The following SYNPR variants were observed in gnomAD, a reference collection of about 807,000 sequenced individuals.
The protein encoded by SYNPR is synaptoporin.
A neutral mutation model predicts 32.9 loss-of-function variants in SYNPR; 23 were observed. The ratio of observed to expected loss-of-function variants is 0.70; its 90% CI spans 0.50 to 0.99. The LOEUF is 0.99. SYNPR is among the 50% of genes least tolerant of loss of function. SYNPR has a pLI of 0.00. For synonymous variants in SYNPR, 146 were observed against 135.9 expected, an observed-to-expected ratio of 1.07 and a Z score of -0.52; for missense variants, 318 against 349.3, an observed-to-expected ratio of 0.91 and a Z score of 0.71.
At chr3:63,399,327 C>T (rs2088258854) in intron 2 of SYNPR, among the ~76,000 whole-genome samples, 2 of 152,180 alleles carry the variant, frequency 1.3e-5, no homozygotes, top group African/African-American at 4.8e-5. Flanking sequence ...TGGCATATAC[C>T]TGGTACTGTG....
intron 2 of SYNPR, among the ~76,000 whole-genome samples, chr3:63,454,810 G>A (rs1269725280): frequency 2.0e-5 from 3 of 152,030 alleles, no homozygotes; most frequent in Non-Finnish European, 2.9e-5. Context: ...GAATGGTTGA[G>A]GTTATTGTAG....
intron 2 of SYNPR, among the ~76,000 whole-genome samples, chr3:63,320,236 C>A (rs2087096895): frequency 6.6e-6 from 1 of 151,982 alleles, no homozygotes; most frequent in Non-Finnish European, 1.5e-5. Flanking sequence ...TAGGTATGAG[C>A]CACCATGCCT....
intron 5 of SYNPR, among the ~76,000 whole-genome samples, chr3:63,611,741 A>G (rs1700201119): frequency 6.6e-6 from 1 of 152,074 alleles, no homozygotes; most frequent in African/African-American, 2.4e-5. Context: ...CTAAGTTTAT[A>G]TGTATTTTTT....
intron 4 of SYNPR, among the ~76,000 whole-genome samples, chr3:63,608,530 C>T (rs1354768363): frequency 6.6e-6 from 1 of 152,168 alleles, no homozygotes; most frequent in Non-Finnish European, 1.5e-5. Context: ...CATAGTTCCA[C>T]ATTGGTTAAC....
chr3:63,540,930 A>AACACAC lies in SYNPR; in HGVS notation c.210-15587_210-15582dup, dbSNP rs58295090. ...CACACACACACACAATCCCCCCCCCAACACACACACACACACACACACACA... is the reference window on the plus strand; with the variant it reads ...CACACACACACACAATCCCCCCCCCAACACACACACACACACACACACACACACACA... On this transcript the variant is annotated intron_variant, in intron 3 of 5. Transcript: ENST00000478300. Among the ~76,000 whole-genome samples, 696 of 122,844 alleles carry AACACAC rather than the reference A, an allele frequency of 5.7e-3. 14 individuals carry two copies. Among genetic ancestry groups the AACACAC allele is most frequent in the African/African-American group, 0.021 (636 of 31,006 alleles). The allele number at this position is 122,844 out of a possible 152,430, so 80.6% of individuals were successfully genotyped here.
intron 1 of SYNPR, among the ~76,000 whole-genome samples, chr3:63,239,329 G>A (rs371617361): frequency 2.3e-4 from 34 of 148,536 alleles, no homozygotes; most frequent in African/African-American, 8.3e-4. Flanking sequence ...ACCATTGTCA[G>A]GTGTGTCATG....
rs143861061 is a variant in SYNPR at position 63,263,472 on chromosome 3, C to T, written n.155-3845C>T. ...CAATTAAAATTGCTGCATAATGAAC[C>T]GTTCTAAAACTTAGTGACTGAACAC... On this transcript the variant is annotated intron_variant and non_coding_transcript_variant, in intron 2 of 4. Coordinates refer to the SYNPR transcript ENST00000478456. 4.6e-5 allele frequency among the ~76,000 whole-genome samples: 7 copies of T among 152,278 alleles called. No individual in the cohort carries two copies. In the East Asian group the frequency reaches 7.7e-4, roughly 17 times the overall value.
chr3:63,442,283 A>G (rs73110888), intron 2 of SYNPR, among the ~76,000 whole-genome samples: 20,752 of 151,944 alleles, frequency 0.14, 1,544 homozygotes, highest in Middle Eastern at 0.19. Flanking sequence ...AGGGACCTCA[A>G]AAAAAGACTT....
intron 2 of SYNPR, among the ~76,000 whole-genome samples, chr3:63,447,561 A>G (rs1450338986): frequency 4.6e-5 from 7 of 152,164 alleles, no homozygotes; most frequent in African/African-American, 1.7e-4. Context: ...CTTGTGTAAG[A>G]AAATAAGTCA....
intron 4 of SYNPR, among the ~76,000 whole-genome samples, chr3:63,606,256 C>G (rs1281619991): frequency 6.6e-6 from 1 of 151,996 alleles, no homozygotes; most frequent in Non-Finnish European, 1.5e-5. Context: ...ACTGATGCCT[C>G]TTTACAAAAT....
intron 2 of SYNPR, among the ~76,000 whole-genome samples, chr3:63,325,063 G>T (rs2087151501): frequency 6.6e-6 from 1 of 152,052 alleles, no homozygotes; most frequent in South Asian, 2.1e-4. Context: ...TTTTAATGAG[G>T]CCATCTGGTG....
upstream of SYNPR, among the ~76,000 whole-genome samples, chr3:63,276,755 A>G (rs1427679275): frequency 6.6e-6 from 1 of 152,028 alleles, no homozygotes; most frequent in Non-Finnish European, 1.5e-5. Context: ...CAACCAGTCC[A>G]CTGGAGTTCC....
At chr3:63,209,087 C>G in the SYNPR span, among the ~76,000 whole-genome samples, 1,355 of 152,162 alleles carry the variant, frequency 8.9e-3, 34 homozygotes, top group African/African-American at 0.031. Context: ...TATCACTCAT[C>G]TGGAAATATA....
intron 2 of SYNPR, among the ~76,000 whole-genome samples, chr3:63,297,369 TA>T (rs1418961121): frequency 6.6e-6 from 1 of 152,240 alleles, no homozygotes; most frequent in African/African-American, 2.4e-5. Context: ...TATGCATTTA[TA>T]GATCATTTTA....
chr3:63,375,345 G>A (rs577719267), intron 2 of SYNPR, among the ~76,000 whole-genome samples: 1 of 152,302 alleles, frequency 6.6e-6, no homozygotes, highest in East Asian at 1.9e-4. Context: ...TGATAGACTG[G>A]ATTAAGAAAA....
At chr3:63,345,933 G>A (rs989106093) in intron 2 of SYNPR, among the ~76,000 whole-genome samples, 1 of 151,994 alleles carries the variant, frequency 6.6e-6, no homozygotes, top group Non-Finnish European at 1.5e-5. Context: ...CCCTGCCTCA[G>A]CTTCTCAAGT....
chr3:63,455,468 C>T (rs1700465098), intron 2 of SYNPR, among the ~76,000 whole-genome samples: 1 of 152,080 alleles, frequency 6.6e-6, no homozygotes, highest in African/African-American at 2.4e-5. Context: ...TTCTTTCACA[C>T]ACATGCTGCT....
chr3:63,440,386 A>G (rs1700149375), intron 2 of SYNPR, among the ~76,000 whole-genome samples: 2 of 152,192 alleles, frequency 1.3e-5, no homozygotes, highest in Non-Finnish European at 2.9e-5. Context: ...TACTTACTGT[A>G]AACTTACTGG....
At chr3:63,527,553 C>A (rs765574385) in intron 3 of SYNPR, among the ~76,000 whole-genome samples, 35 of 152,168 alleles carry the variant, frequency 2.3e-4, no homozygotes, top group Admixed American at 3.3e-4. Flanking sequence ...CAGAGGGCTG[C>A]CCTCCATCAG....
Sources: gnomAD v4.1 joint callset for allele counts (sites outside exome capture counted in the v4.1 genomes callset) on GRCh38, gnomAD v4.1.1 for gene constraint, MANE v1.5 for transcripts, NCBI Gene and HGNC (gene_info 2026-07-23, HGNC 2026-07-21) for gene names.